Variants in CACNB2 observed in about 807,000 individuals in gnomAD.
CACNB2 encodes calcium voltage-gated channel auxiliary subunit beta 2.
A neutral mutation model predicts 73.3 loss-of-function variants in CACNB2; 42 were observed. The ratio of observed to expected loss-of-function variants is 0.57; its 90% confidence interval spans 0.45 to 0.74. The LOEUF (loss-of-function observed/expected upper bound fraction) is 0.74. CACNB2 is among the 30% of genes least tolerant of loss of function. CACNB2 has a pLI of 0.00. For synonymous variants in CACNB2, 348 were observed against 310.3 expected (o/e 1.12, Z -1.28); for missense variants, 940 against 853.0 (o/e 1.10, Z -1.27).
chr10:18,237,022 A>G (rs575870294), intron 2 of CACNB2, among the ~76,000 whole-genome samples: 3 of 152,332 alleles, frequency 2.0e-5, no homozygotes, highest in Admixed American at 1.3e-4. Flanking sequence ...GCAAACATGG[A>G]AAATAGAAAG....
intron 2 of CACNB2, among the ~76,000 whole-genome samples, chr10:18,355,254 AT>A: frequency 6.6e-6 from 1 of 152,314 alleles, no homozygotes; most frequent in East Asian, 1.9e-4. Flanking sequence ...ATTTCTTGTT[AT>A]TTGAGCTTTC....
At chr10:18,209,799 A>G (rs2035243406) in intron 2 of CACNB2, among the ~76,000 whole-genome samples, 1 of 152,178 alleles carries the variant, frequency 6.6e-6, no homozygotes, top group Admixed American at 6.5e-5. Flanking sequence ...TACATGTTGA[A>G]TATTTCTCTG....
chr10:18,140,772 AGCGGCG>A lies in CACNB2; in HGVS notation c.44_49del (p.Ala15_Ala16del). Reference sequence around the variant, plus strand: ...GGGACATGTCCAAGTCGCCTCCCACAGCGGCGGCGGCGGTGGCGCAGGAGATCCAGA... The same window carrying A: ...GGGACATGTCCAAGTCGCCTCCCACAGCGGCGGTGGCGCAGGAGATCCAGA... On this transcript the variant is annotated inframe_deletion, in exon 1 of 14. Transcript: ENST00000324631. 1 of 1,597,856 alleles carries A rather than the reference AGCGGCG, an allele frequency of 6.3e-7. No individual in the cohort carries two copies. The highest frequency in any genetic ancestry group is 8.5e-7 in the Non-Finnish European group (1 of 1,173,888).
intron 3 of CACNB2, among the ~76,000 whole-genome samples, chr10:18,416,428 G>A (rs2044966972): frequency 6.6e-6 from 1 of 152,096 alleles, no homozygotes; most frequent in Non-Finnish European, 1.5e-5. Context: ...TTGCTTCTTT[G>A]TTTTTTGAGA....
intron 3 of CACNB2, among the ~76,000 whole-genome samples, chr10:18,408,789 A>G (rs1238669475): frequency 6.6e-6 from 1 of 152,198 alleles, no homozygotes. Context: ...GGATGAGATT[A>G]TGGACGCAAA....
chr10:18,170,749 G>T (rs2033165572), intron 2 of CACNB2, among the ~76,000 whole-genome samples: 2 of 152,172 alleles, frequency 1.3e-5, no homozygotes, highest in South Asian at 4.1e-4. Flanking sequence ...AAACAGTTAT[G>T]TTGGTTTTAG....
chr10:18,403,359 G>T (rs924026418), intron 3 of CACNB2, among the ~76,000 whole-genome samples: 4 of 152,174 alleles, frequency 2.6e-5, no homozygotes, highest in Admixed American at 2.0e-4. Context: ...GTTAATATAG[G>T]TTGCAGCTGA....
intron 3 of CACNB2, among the ~76,000 whole-genome samples, chr10:18,456,066 C>A (rs551309581): frequency 6.6e-6 from 1 of 152,290 alleles, no homozygotes; most frequent in South Asian, 2.1e-4. Context: ...TCCCACTGAA[C>A]CAGTCTCGTT....
rs929741645 is a variant in CACNB2, at chr10:18,347,131, T to G, written c.214-54793T>G. On this transcript the variant is annotated intron_variant, in intron 2 of 13. Coordinates refer to ENST00000324631, the MANE Select transcript of CACNB2 (RefSeq NM_201596.3). Reference sequence around the variant, plus strand: ...ATTTGAAAACATGATAGGATGGACATATCTGACTGCACTGAAAGGACAAGA... The same window carrying G: ...ATTTGAAAACATGATAGGATGGACAGATCTGACTGCACTGAAAGGACAAGA... 2.0e-5 allele frequency among the ~76,000 whole-genome samples: 3 copies of G among 152,274 alleles called. No homozygotes were observed. In the South Asian group the frequency reaches 6.2e-4, roughly 32 times the overall value.
chr10:18,363,429 G>GA (rs1433894877), intron 2 of CACNB2, among the ~76,000 whole-genome samples: 12 of 152,156 alleles, frequency 7.9e-5, no homozygotes, highest in Non-Finnish European at 7.3e-5. Flanking sequence ...GGCCTTCTCT[G>GA]TTCCCCATGG....
At chr10:18,438,183 A>ATCT (rs2046240465) in intron 3 of CACNB2, among the ~76,000 whole-genome samples, 2 of 93,968 alleles carry the variant, frequency 2.1e-5, no homozygotes, top group Non-Finnish European at 4.0e-5. Flanking sequence ...ACACCTGGCG[A>ATCT]TTTTTTTTTT....
intron 7 of CACNB2, among the ~76,000 whole-genome samples, chr10:18,515,895 C>T (rs1354440555): frequency 2.0e-5 from 3 of 152,196 alleles, no homozygotes; most frequent in African/African-American, 7.2e-5. Context: ...ACTTTAAAAA[C>T]TTTTATCACA....
chr10:18,349,357 AC>A (rs1564457586), intron 2 of CACNB2, among the ~76,000 whole-genome samples: 1 of 152,206 alleles, frequency 6.6e-6, no homozygotes, highest in Non-Finnish European at 1.5e-5. Flanking sequence ...GCTCCGGCAT[AC>A]TACAATGACC....
intron 2 of CACNB2, among the ~76,000 whole-genome samples, chr10:18,370,050 A>G (rs1257491067): frequency 1.3e-5 from 2 of 152,240 alleles, no homozygotes; most frequent in African/African-American, 4.8e-5. Context: ...AACACTGTCC[A>G]ATAGAAGTTT....
At chr10:18,154,344 A>C (rs1251326363) in intron 2 of CACNB2, among the ~76,000 whole-genome samples, 3 of 152,014 alleles carry the variant, frequency 2.0e-5, no homozygotes, top group Non-Finnish European at 4.4e-5. Context: ...TAAGGAATAA[A>C]TTGTCCTCCT....
chr10:18,483,822 T>C (rs2048917152), intron 3 of CACNB2, among the ~76,000 whole-genome samples: 1 of 152,212 alleles, frequency 6.6e-6, no homozygotes, highest in Non-Finnish European at 1.5e-5. Flanking sequence ...AAGTACAGAA[T>C]AGACATTTTA....
intron 2 of CACNB2, among the ~76,000 whole-genome samples, chr10:18,213,206 C>T (rs1289987680): frequency 6.6e-6 from 1 of 152,266 alleles, no homozygotes; most frequent in East Asian, 1.9e-4. Context: ...TTATAAGGGT[C>T]CTGCGCCTTG....
chr10:18,264,445 A>T (rs2037697799), intron 2 of CACNB2, among the ~76,000 whole-genome samples: 1 of 152,242 alleles, frequency 6.6e-6, no homozygotes, highest in African/African-American at 2.4e-5. Context: ...CAAAGCAAAC[A>T]TGCCTTTGTA....
chr10:18,432,094 T>C (rs879718138), intron 3 of CACNB2, among the ~76,000 whole-genome samples: 9 of 152,196 alleles, frequency 5.9e-5, no homozygotes, highest in Non-Finnish European at 1.0e-4. Flanking sequence ...TAAAGAAATA[T>C]CAATTAATTT....
Sources: allele counts gnomAD v4.1 joint callset (sites outside exome capture counted in the v4.1 genomes callset), GRCh38; gene constraint gnomAD v4.1.1; transcripts MANE v1.5; gene names NCBI Gene and HGNC (gene_info 2026-07-23, HGNC 2026-07-21).